The following SLC47A2 variants were observed in gnomAD, a reference collection of about 807,000 sequenced individuals.
SLC47A2 encodes the protein solute carrier family 47 member 2, also known as multidrug and toxin extrusion protein 2.
A neutral mutation model predicts 67.7 loss-of-function variants in SLC47A2; 52 were observed. The observed-to-expected ratio is 0.77, with a 90% CI of 0.61 to 0.97. The LOEUF (loss-of-function observed/expected upper bound fraction) is 0.97. Ranked by LOEUF, SLC47A2 falls within the 50% of genes least tolerant of loss-of-function variation. SLC47A2 has a pLI of 0.00. For synonymous variants in SLC47A2, 278 were observed against 292.9 expected (o/e 0.95, Z 0.52); for missense variants, 676 against 712.3 (o/e 0.95, Z 0.58).
chr17:19,701,611 T>C (rs1400209182), intron 13 of SLC47A2, among the ~76,000 whole-genome samples: 1 of 152,172 alleles, frequency 6.6e-6, no homozygotes, highest in Non-Finnish European at 1.5e-5. Context: ...AGATGCAAAG[T>C]AGGAGAGCTA....
At chr17:19,708,431 TGTGA>T (rs2086003908) in intron 6 of SLC47A2, 32 bp from the exon 7 acceptor site, 1 of 1,613,850 alleles carries the variant, frequency 6.2e-7, no homozygotes, top group South Asian at 1.1e-5. Context: ...CCTGCTAAGG[TGTGA>T]GTGAGATGGA....
intron 1 of SLC47A2, 30 bp from the exon 2 acceptor site, chr17:19,715,247 G>A: frequency 6.3e-7 from 1 of 1,589,628 alleles, no homozygotes; most frequent in Non-Finnish European, 8.6e-7. Flanking sequence ...TCAGACTCGG[G>A]GCCACAGGTG....
intron 10 of SLC47A2, among the ~76,000 whole-genome samples, chr17:19,704,471 T>C (rs914831283): frequency 6.6e-6 from 1 of 152,224 alleles, no homozygotes; most frequent in African/African-American, 2.4e-5. Context: ...CCAAATCAAA[T>C]GAGTAAACAG....
chr17:19,711,159 T>C (rs1358815083), intron 5 of SLC47A2, among the ~76,000 whole-genome samples: 3 of 151,926 alleles, frequency 2.0e-5, no homozygotes, highest in Non-Finnish European at 2.9e-5. Context: ...AAACGACAAA[T>C]TGGAAAATAT....
intron 5 of SLC47A2, among the ~76,000 whole-genome samples, chr17:19,711,588 C>CAAAAAAAAAAA (rs35308426): frequency 8.8e-3 from 292 of 33,022 alleles, no homozygotes; most frequent in Middle Eastern, 0.045. Flanking sequence ...AACTCCGTCT[C>CAAAAAAAAAAA]AAAAAAAAAA....
At chr17:19,700,151 G>A (rs1421366057) in intron 13 of SLC47A2, among the ~76,000 whole-genome samples, 1 of 152,192 alleles carries the variant, frequency 6.6e-6, no homozygotes, top group Non-Finnish European at 1.5e-5. Flanking sequence ...GAAATTCTGC[G>A]GGGTGATGGA....
At chr17:19,689,041 T>C (rs925397618) in intron 13 of SLC47A2, among the ~76,000 whole-genome samples, 4 of 151,828 alleles carry the variant, frequency 2.6e-5, no homozygotes, top group Admixed American at 2.6e-4. Context: ...ACTTTTTTAT[T>C]TTAGTAGAGA....
At chr17:19,710,813 A>T (rs2086073229) in intron 5 of SLC47A2, among the ~76,000 whole-genome samples, 1 of 142,170 alleles carries the variant, frequency 7.0e-6, no homozygotes. Flanking sequence ...CACATTCACA[A>T]ATCTTTTTTT....
At chr17:19,694,891 G>A (rs1000030202) in intron 13 of SLC47A2, among the ~76,000 whole-genome samples, 1 of 148,470 alleles carries the variant, frequency 6.7e-6, no homozygotes, top group African/African-American at 2.5e-5. Flanking sequence ...ACTCCAGCCC[G>A]GGTAAAAGAG....
In SLC47A2 at chr17:19,707,821, T is replaced by C. The variant is rs1272474628; in HGVS notation, c.652A>G (p.Ile218Val). 2 of 1,603,002 alleles carry C rather than the reference T, an allele frequency of 1.2e-6. No individual in the cohort carries two copies. The highest frequency in any genetic ancestry group is 2.3e-5 in the East Asian group (1 of 44,126). Reference protein sequence around the residue: ...GVRGSAYANIISQFAQTVFLL... With the variant: ...GVRGSAYANIVSQFAQTVFLL... Reference sequence around the variant, plus strand: ...AAGACGGTCTGTGCAAACTGGGAGATGATGTTGGCATAGGCGGAGCCCCTG... The same window carrying C: ...AAGACGGTCTGTGCAAACTGGGAGACGATGTTGGCATAGGCGGAGCCCCTG... Residue 218 changes from isoleucine (I) to valine (V), a missense_variant, in exon 8 of 17, where the codon ATC (isoleucine) becomes GTC (valine). By Grantham distance (29) the Ile-to-Val change is conservative (BLOSUM62 3). Transcript: ENST00000433844.
chr17:19,682,896 A>G (rs1014855744), intron 13 of SLC47A2, among the ~76,000 whole-genome samples: 4 of 152,194 alleles, frequency 2.6e-5, no homozygotes, highest in Admixed American at 1.3e-4. Flanking sequence ...CATTTTCCCA[A>G]CGTGATTCCA....
At chr17:19,714,152 A>G (rs1046558588) in intron 3 of SLC47A2, among the ~76,000 whole-genome samples, 179 bp from the exon 4 acceptor site, 1 of 152,178 alleles carries the variant, frequency 6.6e-6, no homozygotes, top group Non-Finnish European at 1.5e-5. Flanking sequence ...GCCTGGGCCT[A>G]CCACTGTCTC....
Position 19,707,771 on chromosome 17 carries a change from C to T in SLC47A2, c.702G>A (p.Lys234=), listed in dbSNP as rs139918795. ...TVFLLLYIVL[K]KLHLETWAGW... is the part of the protein sequence containing the mutation. ...CTGCCCACGTCTCCAGGTGCAGCTTCTTCAGCACAATGTAGAGAAGGAGGA... is the reference window on the plus strand; with the variant it reads ...CTGCCCACGTCTCCAGGTGCAGCTTTTTCAGCACAATGTAGAGAAGGAGGA... The change falls in exon 8 of 17, where the codon AAG becomes AAA. Residue 234 remains lysine (K), a synonymous_variant. Transcript: ENST00000433844. 3.2e-5 allele frequency: 51 copies of T among 1,599,396 alleles called. No homozygotes were observed. In the Middle Eastern group the frequency reaches 5.0e-4, roughly 16 times the overall value.
intron 13 of SLC47A2, among the ~76,000 whole-genome samples, chr17:19,688,255 AC>A (rs1250427709): frequency 6.6e-6 from 1 of 152,232 alleles, no homozygotes; most frequent in African/African-American, 2.4e-5. Context: ...AGAATTAAGG[AC>A]AAAAACCATA....
intron 15 of SLC47A2, among the ~76,000 whole-genome samples, chr17:19,680,624 A>G (rs1457843508): frequency 6.6e-6 from 1 of 152,104 alleles, no homozygotes; most frequent in Non-Finnish European, 1.5e-5. Flanking sequence ...CTGCTTGCAG[A>G]CTTGAGTTGT....
rs143122747 is a variant in SLC47A2 at position 19,703,158 on chromosome 17, G to T, written c.1028C>A (p.Ser343Tyr). Reference protein sequence around the residue: ...VSGVLSIVGISLVLGTLISIL... With the variant: ...VSGVLSIVGIYLVLGTLISIL... ...GCTTATCAGGGTGCCCAGGACCAGG[G>T]AAATGCCAACTGGAAGAGACAAAAG... Residue 343 changes from serine (S) to tyrosine (Y), a missense_variant, in exon 12 of 17, where the codon TCC becomes TAC. Coordinates refer to ENST00000433844, the MANE Select transcript of SLC47A2 (RefSeq NM_001099646.3). 52 of 1,613,966 alleles carry T rather than the reference G, an allele frequency of 3.2e-5. No individual in the cohort carries two copies. Among genetic ancestry groups the T allele is most frequent in the Non-Finnish European group, 2.2e-5 (26 of 1,180,028 alleles).
At chr17:19,714,294 C>G (rs2086190378) in intron 3 of SLC47A2, among the ~76,000 whole-genome samples, 1 of 152,224 alleles carries the variant, frequency 6.6e-6, no homozygotes, top group Non-Finnish European at 1.5e-5. Flanking sequence ...GAGGTGAGGC[C>G]TTGCCGCTTT....
intron 10 of SLC47A2, chr17:19,704,584 T>G: frequency 2.9e-6 from 4 of 1,395,624 alleles, no homozygotes; most frequent in Non-Finnish European, 3.8e-6. Context: ...TCTAAATTGA[T>G]TTTGTAATGT....
chr17:19,697,118 T>C (rs1033571317), intron 13 of SLC47A2, among the ~76,000 whole-genome samples: 3 of 152,084 alleles, frequency 2.0e-5, no homozygotes, highest in Non-Finnish European at 2.9e-5. Context: ...GGTGAAACCC[T>C]GTCTCTACTA....
Sources: gnomAD v4.1 joint callset for allele counts (sites outside exome capture counted in the v4.1 genomes callset) on GRCh38, gnomAD v4.1.1 for gene constraint, MANE v1.5 for transcripts, NCBI Gene and HGNC (gene_info 2026-07-23, HGNC 2026-07-21) for gene names.